NYNRIN: variants seen among roughly 807,000 people sequenced by gnomAD.
NYNRIN encodes protein NYNRIN.
NYNRIN carries 86 observed loss-of-function variants against 146.6 expected under a neutral mutation model. That is an observed-to-expected ratio of 0.59 (90% CI 0.49 to 0.70). The LOEUF is 0.70. NYNRIN is among the 30% of genes least tolerant of loss of function. NYNRIN has a pLI of 0.00. For missense variants in NYNRIN, 2,191 were observed against 2,377.7 expected, an observed-to-expected ratio of 0.92 and a Z score of 1.63; for synonymous variants, 1,027 against 1,001.3, an observed-to-expected ratio of 1.03 and a Z score of -0.48.
In NYNRIN at chr14:24,408,140, C is replaced by A. The variant is rs750263825; in HGVS notation, c.470C>A (p.Ala157Asp). The change falls in exon 3 of 9, where the codon GCT becomes GAT. Residue 157 changes from alanine to aspartate, a missense_variant. By Grantham distance (126) the Ala-to-Asp change is moderately radical. Transcript: ENST00000382554. The part of the protein sequence containing the change: ...PLLTPRGIWE[A>D]EVTRAFGALV... ...CTGACCCCCCGGGGGATCTGGGAGG[C>A]TGAGGTGACCCGGGCCTTTGGGGCC... is the stretch of plus-strand genomic sequence containing the variant. 1 of 1,606,968 alleles carries A rather than the reference C, an allele frequency of 6.2e-7. No homozygotes were observed. The highest frequency in any genetic ancestry group is 8.5e-7 in the Non-Finnish European group (1 of 1,178,180).
Position 24,411,552 on chromosome 14 carries a change from A to C in NYNRIN, c.2642+102A>C, listed in dbSNP as rs1337300585. ...GTCTTCTCTGGGGAAATGGAGGCAA[A>C]CATGTTGGGGGTGTCGGTTGTGCAG... On this transcript the variant is annotated intron_variant, in intron 6 of 8. Transcript: ENST00000382554. The surrounding 1 kb of genome is among the most constrained non-coding windows in gnomAD (Gnocchi z 4.3). 1.0e-6 allele frequency: 1 copy of C among 999,982 alleles called. No individual in the cohort carries two copies. Among genetic ancestry groups the C allele is most frequent in the East Asian group, 2.4e-5 (1 of 41,994 alleles). The allele number at this position is 999,982 out of a possible 1,614,324, so 61.9% of individuals were successfully genotyped here.
chr14:24,415,028 A>G lies in NYNRIN; in HGVS notation c.3279A>G (p.Ala1093=), dbSNP rs779003993. 9 of 1,609,262 alleles carry G rather than the reference A, an allele frequency of 5.6e-6. No homozygotes were observed. In the African/African-American group the frequency reaches 8.0e-5, roughly 14 times the overall value. Residue 1093 remains alanine, a synonymous_variant, in exon 9 of 9, where the codon GCA becomes GCG. Coordinates refer to ENST00000382554, the MANE Select transcript of NYNRIN (RefSeq NM_025081.3). ...TCACCATCCCCAGCAACTTCACCGCACTCTCCTTCTTCATGGGCTTCATGG... is the reference window on the plus strand; with the variant it reads ...TCACCATCCCCAGCAACTTCACCGCGCTCTCCTTCTTCATGGGCTTCATGG... ...AQLTIPSNFT[A]LSFFMGFMDS...
chr14:24,418,144 G>T lies in NYNRIN; in HGVS notation c.*698G>T, dbSNP rs2042961172. ...AGCATGGGAAGGGCAAGGGGGAAAT[G>T]GGTTGGCCTACCTCATTTGACTCCA... On this transcript the variant is annotated 3_prime_UTR_variant, in exon 9 of 9. Transcript: ENST00000382554. The T allele has an allele frequency of 7.4e-6, 3 of 403,458 alleles. No homozygotes were observed. Among genetic ancestry groups the T allele is most frequent in the Non-Finnish European group, 1.5e-5 (3 of 201,524 alleles). The allele number at this position is 403,458 out of a possible 1,614,324, so 25.0% of individuals were successfully genotyped here. A position where few individuals can be genotyped will look rare whatever the true frequency, so the allele number is the denominator to read the frequency against.
At position 24,411,541 on chromosome 14, in the gene NYNRIN, A is replaced by C; in HGVS notation, c.2642+91A>C. 3 of 1,096,464 alleles carry C rather than the reference A, an allele frequency of 2.7e-6. No individual in the cohort carries two copies. The highest frequency in any genetic ancestry group is 4.1e-6 in the Non-Finnish European group (3 of 724,682). 67.9% of individuals were successfully genotyped at this position (1,096,464 alleles called of 1,614,324 possible). On this transcript the variant is annotated intron_variant, in intron 6 of 8. Coordinates refer to ENST00000382554, the MANE Select transcript of NYNRIN (RefSeq NM_025081.3). This position sits in a 1 kb window ranked among gnomAD's most constrained non-coding sequence, Gnocchi z 4.3. ...GAGTCCGGCCTGTCTTCTCTGGGGA[A>C]ATGGAGGCAAACATGTTGGGGGTGT...
chr14:24,413,236 C>A, intron 7 of NYNRIN, 80 bp from the exon 8 acceptor site: 1 of 1,437,292 alleles, frequency 7.0e-7, no homozygotes, highest in Non-Finnish European at 9.6e-7. Flanking sequence ...GTCTCAGCGC[C>A]ATGGAGAAGC....
rs2042941665 is a variant in NYNRIN at position 24,415,852 on chromosome 14, C to G, written c.4103C>G (p.Ser1368Cys). The G allele has an allele frequency of 2.5e-6, 4 of 1,613,998 alleles. No homozygotes were observed. The highest frequency in any genetic ancestry group is 3.4e-6 in the Non-Finnish European group (4 of 1,179,894). Reference protein sequence around the residue: ...VACGLERFGQSPLPVVFLTHC... With the variant: ...VACGLERFGQCPLPVVFLTHC... Reference sequence around the variant, plus strand: ...TGCGGCCTGGAGCGCTTTGGCCAGTCCCCACTCCCAGTGGTTTTCCTCACT... The same window carrying G: ...TGCGGCCTGGAGCGCTTTGGCCAGTGCCCACTCCCAGTGGTTTTCCTCACT... Residue 1368 changes from serine to cysteine, a missense_variant, in exon 9 of 9, where the codon TCC (serine) becomes TGC (cysteine). Physicochemically the swap from Ser to Cys is moderately radical, Grantham distance 112. Coordinates refer to ENST00000382554, the MANE Select transcript of NYNRIN (RefSeq NM_025081.3).
chr14:24,415,435 T>C lies in NYNRIN; in HGVS notation c.3686T>C (p.Val1229Ala), dbSNP rs1211175026. The C allele has an allele frequency of 1.2e-6, 2 of 1,613,934 alleles. No individual in the cohort carries two copies. Among genetic ancestry groups the C allele is most frequent in the East Asian group, 4.5e-5 (2 of 44,876 alleles). ...CGCTGCATTGGAGACACCCCGGTGGTCCTGGACCTTTCCTATGCCTCCCGG... is the reference window on the plus strand; with the variant it reads ...CGCTGCATTGGAGACACCCCGGTGGCCCTGGACCTTTCCTATGCCTCCCGG... ...FSRCIGDTPV[V>A]LDLSYASRTT... is the part of the protein sequence containing the mutation. Residue 1229 changes from valine to alanine, a missense_variant, in exon 9 of 9, where the codon GTC becomes GCC. Val to Ala is a moderately conservative substitution (Grantham distance 64, BLOSUM62 0). Around this residue, in one of 3 missense-constraint regions of NYNRIN, gnomAD observed 1,291 missense variants for 1,417.0 expected, o/e 0.91. Coordinates refer to ENST00000382554, the MANE Select transcript of NYNRIN (RefSeq NM_025081.3).
rs12897153 is a variant in NYNRIN, at chr14:24,409,279, G to A, written c.1485G>A (p.Pro495=). 0.12 allele frequency: 200,727 copies of A among 1,613,882 alleles called. 13,527 individuals are homozygous for A. The highest frequency in any genetic ancestry group is 0.19 in the Middle Eastern group (1,161 of 6,060). Residue 495 remains proline (P), a synonymous_variant, in exon 4 of 9, where the codon CCG becomes CCA. Coordinates refer to ENST00000382554, the MANE Select transcript of NYNRIN (RefSeq NM_025081.3). The part of the protein sequence containing the change: ...STPQLQAGGE[P]GDQGSMQLDF... ...CCCAACTACAGGCTGGAGGTGAGCCGGGGGATCAAGGGAGTATGCAGTTAG... is the reference window on the plus strand; with the variant it reads ...CCCAACTACAGGCTGGAGGTGAGCCAGGGGATCAAGGGAGTATGCAGTTAG...
At chr14:24,410,403 C>T (rs1362192560) in intron 4 of NYNRIN, among the ~76,000 whole-genome samples, 195 bp downstream of exon 4, 5 of 152,224 alleles carry the variant, frequency 3.3e-5, no homozygotes, top group African/African-American at 1.2e-4. Flanking sequence ...CATAGCAGCC[C>T]TCAAGGGCAG....
chr14:24,409,119 C>T lies in NYNRIN; in HGVS notation c.1325C>T (p.Ala442Val). ...CCAGATGGGGGGCTGGGAGGAGAAG[C>T]AGCCCTGCAGAATTGCCCAAGGCCA... ...GRPDGGLGGE[A>V]ALQNCPRPEI... is the part of the protein sequence containing the mutation. Residue 442 changes from alanine (A) to valine (V), a missense_variant, in exon 4 of 9, where the codon GCA becomes GTA. Physicochemically the swap from Ala to Val is moderately conservative, Grantham distance 64 (BLOSUM62 0). This residue lies in a region of NYNRIN where 895 missense variants were observed against 941.2 expected (regional missense o/e 0.95). Transcript: ENST00000382554. 6.2e-7 allele frequency: 1 copy of T among 1,613,830 alleles called. No individual in the cohort carries two copies. Among genetic ancestry groups the T allele is most frequent in the South Asian group, 1.1e-5 (1 of 91,048 alleles).
At position 24,418,287 on chromosome 14, in the gene NYNRIN, C is replaced by T. The variant is rs1484126193; in HGVS notation, c.*841C>T. ...GAGCTGCTTCTGTTAGACCCAGGGGCCCCGGCCTCTGTTTTAAGGGGGCAG... is the reference window on the plus strand; with the variant it reads ...GAGCTGCTTCTGTTAGACCCAGGGGTCCCGGCCTCTGTTTTAAGGGGGCAG... On this transcript the variant is annotated 3_prime_UTR_variant, in exon 9 of 9. Transcript: ENST00000382554. 1.1e-5 allele frequency: 5 copies of T among 456,222 alleles called. No homozygotes were observed. Among genetic ancestry groups the T allele is most frequent in the African/African-American group, 4.0e-5 (2 of 50,056 alleles). The allele number at this position is 456,222 out of a possible 1,614,324, so 28.3% of individuals were successfully genotyped here. A position where few individuals can be genotyped will look rare whatever the true frequency, so the allele number is the denominator to read the frequency against.
In NYNRIN at chr14:24,417,520, T is replaced by C; in HGVS notation, c.*74T>C. ...GCTAGGCCTCCCCCTGTCCCAGCAG[T>C]GCTCTCAGTCCACTGGGGGCCCTCA... is the stretch of plus-strand genomic sequence containing the variant. On this transcript the variant is annotated 3_prime_UTR_variant, in exon 9 of 9. Coordinates refer to ENST00000382554, the MANE Select transcript of NYNRIN (RefSeq NM_025081.3). 1 of 1,421,312 alleles carries C rather than the reference T, an allele frequency of 7.0e-7. No homozygotes were observed. Among genetic ancestry groups the C allele is most frequent in the Non-Finnish European group, 9.2e-7 (1 of 1,092,498 alleles). 88.0% of individuals were successfully genotyped at this position (1,421,312 alleles called of 1,614,324 possible).
intron 2 of NYNRIN, among the ~76,000 whole-genome samples, chr14:24,401,319 T>C (rs2042841736): frequency 6.6e-6 from 1 of 152,128 alleles, no homozygotes; most frequent in African/African-American, 2.4e-5. Flanking sequence ...AAAGGCATTG[T>C]TGAAAAGTGG....
intron 2 of NYNRIN, among the ~76,000 whole-genome samples, chr14:24,401,954 C>T (rs2042846420): frequency 2.0e-5 from 3 of 152,160 alleles, no homozygotes; most frequent in Admixed American, 6.5e-5. Flanking sequence ...GACACAGAAT[C>T]ATGCACTTTG....
intron 4 of NYNRIN, among the ~76,000 whole-genome samples, chr14:24,410,815 C>T (rs549601702): frequency 1.8e-3 from 278 of 152,346 alleles, no homozygotes; most frequent in Non-Finnish European, 1.5e-3. Flanking sequence ...GGGCTGCCTT[C>T]TTCCTCTTGC....
intron 2 of NYNRIN, among the ~76,000 whole-genome samples, chr14:24,401,503 A>G (rs1566482368): frequency 6.6e-6 from 1 of 152,112 alleles, no homozygotes; most frequent in Non-Finnish European, 1.5e-5. Flanking sequence ...TCACCAAGTT[A>G]CAACCAAGAT....
rs1213720720 is a variant in NYNRIN, at chr14:24,399,400, T to G, written c.154T>G (p.Trp52Gly). The G allele has an allele frequency of 1.2e-6, 2 of 1,613,600 alleles. No homozygotes were observed. The highest frequency in any genetic ancestry group is 2.2e-5 in the South Asian group (2 of 91,026). ...GAGCCGCCCGGACACCCCCTACTTC[T>G]GGCTACAGCTCGAGGGGCCCCGAGA... Reference protein sequence around the residue: ...FQSRPDTPYFWLQLEGPRENM... With the variant: ...FQSRPDTPYFGLQLEGPRENM... The change falls in exon 2 of 9, where the codon TGG becomes GGG. Residue 52 changes from tryptophan (W) to glycine (G), a missense_variant. By Grantham distance (184) the Trp-to-Gly change is radical. Coordinates refer to ENST00000382554, the MANE Select transcript of NYNRIN (RefSeq NM_025081.3).
chr14:24,404,675 GTGC>G (rs2042865680), intron 2 of NYNRIN, among the ~76,000 whole-genome samples: 1 of 152,150 alleles, frequency 6.6e-6, no homozygotes, highest in African/African-American at 2.4e-5. Context: ...AGATTTGCAG[GTGC>G]TGTTGGTTAG....
At chr14:24,408,624 CT>C in intron 3 of NYNRIN, 27 bp from the exon 4 acceptor site, 1 of 1,564,346 alleles carries the variant, frequency 6.4e-7, no homozygotes, top group Non-Finnish European at 8.6e-7. Context: ...GGCCTTCCAC[CT>C]TTTCAATGAA....
Sources: gnomAD v4.1 joint callset for allele counts (sites outside exome capture counted in the v4.1 genomes callset) on GRCh38, gnomAD v4.1.1 for gene constraint, gnomAD v4.1.1 regional missense constraint, Gnocchi (gnomAD v3.1) non-coding constraint, MANE v1.5 for transcripts, NCBI Gene and HGNC (gene_info 2026-07-23, HGNC 2026-07-21) for gene names.